The following CNTNAP2 variants were observed in gnomAD, a reference collection of about 807,000 sequenced individuals.
The protein encoded by CNTNAP2 is contactin associated protein 2.
CNTNAP2 carries 98 observed loss-of-function variants against 155.2 expected under a neutral mutation model. That is an observed-to-expected ratio of 0.63 (90% CI 0.54 to 0.75). The LOEUF (loss-of-function observed/expected upper bound fraction) is 0.75, where lower values mean the gene tolerates loss of function less well. Among genes scored for constraint, CNTNAP2 ranks in the 30% least tolerant of loss-of-function variants. CNTNAP2 has a pLI of 0.00. For missense variants in CNTNAP2, 1,727 were observed against 1,688.1 expected, an observed-to-expected ratio of 1.02 and a Z score of -0.40; for synonymous variants, 651 against 631.2, an observed-to-expected ratio of 1.03 and a Z score of -0.47.
At chr7:146,841,261 G>A (rs1350131670) in intron 3 of CNTNAP2, among the ~76,000 whole-genome samples, 1 of 149,472 alleles carries the variant, frequency 6.7e-6, no homozygotes, top group Non-Finnish European at 1.5e-5. Context: ...CAGTTAAGAA[G>A]GGGATAGAGG....
At chr7:146,448,428 C>T (rs1481003899) in intron 1 of CNTNAP2, among the ~76,000 whole-genome samples, 3 of 151,082 alleles carry the variant, frequency 2.0e-5, no homozygotes, top group Admixed American at 6.6e-5. Context: ...TTTTTATTTC[C>T]GTCTCTTTTA....
chr7:147,331,184 A>G (rs1795559475), intron 9 of CNTNAP2, among the ~76,000 whole-genome samples: 2 of 152,148 alleles, frequency 1.3e-5, no homozygotes, highest in Admixed American at 1.3e-4. Flanking sequence ...GGGATGACAC[A>G]GAAAAAGACT....
chr7:147,470,527 T>C (rs1430915158), intron 10 of CNTNAP2, among the ~76,000 whole-genome samples: 1 of 151,964 alleles, frequency 6.6e-6, no homozygotes, highest in Admixed American at 6.5e-5. Context: ...GTAGCTATGA[T>C]AGTGTCTTGG....
At chr7:148,119,112 T>C (rs1804541904) in intron 16 of CNTNAP2, among the ~76,000 whole-genome samples, 10 of 152,136 alleles carry the variant, frequency 6.6e-5, no homozygotes, top group Admixed American at 6.6e-4. Flanking sequence ...CCGTTGGCTG[T>C]GAGAGTCAGG....
At chr7:147,446,812 AC>A (rs1797747673) in intron 10 of CNTNAP2, among the ~76,000 whole-genome samples, 1 of 152,248 alleles carries the variant, frequency 6.6e-6, no homozygotes, top group African/African-American at 2.4e-5. Context: ...AATAGAAGAT[AC>A]ATCTTATGCT....
At chr7:148,114,414 T>G (rs1804420440) in intron 15 of CNTNAP2, among the ~76,000 whole-genome samples, 1 of 152,234 alleles carries the variant, frequency 6.6e-6, no homozygotes, top group African/African-American at 2.4e-5. Context: ...ACTTATGTAT[T>G]GATTGAATAA....
chr7:146,762,310 A>G (rs890879528), intron 1 of CNTNAP2, among the ~76,000 whole-genome samples: 6 of 152,116 alleles, frequency 3.9e-5, no homozygotes, highest in Non-Finnish European at 8.8e-5. Flanking sequence ...CCAGTTCCTA[A>G]GAATCCCTGG....
At chr7:147,500,385 C>T (rs184999981) in intron 11 of CNTNAP2, among the ~76,000 whole-genome samples, 1 of 151,930 alleles carries the variant, frequency 6.6e-6, no homozygotes, top group East Asian at 1.9e-4. Context: ...CTAGATAGAT[C>T]CTAAATAAAA....
chr7:146,160,715 C>T (rs1798207621), intron 1 of CNTNAP2, among the ~76,000 whole-genome samples: 1 of 151,968 alleles, frequency 6.6e-6, no homozygotes, highest in Non-Finnish European at 1.5e-5. Context: ...AATTAATAGC[C>T]TACCAACCAA....
chr7:146,275,576 T>G (rs1424926843), intron 1 of CNTNAP2, among the ~76,000 whole-genome samples: 1 of 152,168 alleles, frequency 6.6e-6, no homozygotes, highest in Non-Finnish European at 1.5e-5. Context: ...CACATGTGTG[T>G]GGGGTGTGTT....
At chr7:147,253,112 G>A (rs1376841265) in intron 8 of CNTNAP2, among the ~76,000 whole-genome samples, 5 of 152,164 alleles carry the variant, frequency 3.3e-5, no homozygotes, top group Non-Finnish European at 7.4e-5. Context: ...GCCTAGTCCA[G>A]GTCGTTAAAA....
At chr7:146,520,425 A>C (rs1278717458) in intron 1 of CNTNAP2, among the ~76,000 whole-genome samples, 6 of 151,014 alleles carry the variant, frequency 4.0e-5, no homozygotes, top group Non-Finnish European at 8.9e-5. Context: ...GAAAGATAGT[A>C]ATAGTAGTTA....
chr7:146,769,676 T>C (rs1802259099), intron 1 of CNTNAP2, among the ~76,000 whole-genome samples: 1 of 152,196 alleles, frequency 6.6e-6, no homozygotes, highest in South Asian at 2.1e-4. Context: ...TTAATCATTC[T>C]GATTCCTAAG....
In CNTNAP2 at chr7:147,755,472, T is replaced by C. The variant is rs540802468; in HGVS notation, c.2098+116166T>C. On this transcript the variant is annotated intron_variant, in intron 13 of 23. Transcript: ENST00000361727. ...GAGTTTGAGACCAACCTGCTCAATA[T>C]GGAAAACCCATGTCTACTGAAAATA... Among the ~76,000 whole-genome samples the C allele has an allele frequency of 2.7e-4, 41 of 152,162 alleles. 1 individual carries two copies. In the South Asian group the frequency reaches 8.3e-3, roughly 31 times the overall value.
intron 3 of CNTNAP2, among the ~76,000 whole-genome samples, chr7:147,040,932 TCTA>T (rs1393306893): frequency 6.6e-6 from 1 of 152,196 alleles, no homozygotes; most frequent in Admixed American, 6.5e-5. Context: ...GATTATATCT[TCTA>T]CTCCCTTCTT....
intron 1 of CNTNAP2, among the ~76,000 whole-genome samples, chr7:146,519,244 A>G (rs1374777906): frequency 1.3e-5 from 2 of 151,930 alleles, no homozygotes; most frequent in East Asian, 3.9e-4. Context: ...GGAAATTTGT[A>G]TCTCTCAAGA....
intron 1 of CNTNAP2, among the ~76,000 whole-genome samples, chr7:146,594,230 ATC>A (rs1798825822): frequency 6.6e-6 from 1 of 152,132 alleles, no homozygotes; most frequent in African/African-American, 2.4e-5. Context: ...ACTGAATAGA[ATC>A]TGTTTCTATT....
intron 1 of CNTNAP2, among the ~76,000 whole-genome samples, chr7:146,316,758 A>ATT (rs112549607): frequency 1.0e-4 from 15 of 145,768 alleles, no homozygotes; most frequent in South Asian, 2.2e-4. Context: ...AGGTTTTTTA[A>ATT]TTTTTTTTTT....
intron 13 of CNTNAP2, among the ~76,000 whole-genome samples, chr7:147,900,610 G>C (rs1563128792): frequency 6.6e-6 from 1 of 151,900 alleles, no homozygotes; most frequent in Non-Finnish European, 1.5e-5. Flanking sequence ...TGGGTTTTTT[G>C]TTTGTTTTGT....
Sources: allele counts gnomAD v4.1 joint callset (sites outside exome capture counted in the v4.1 genomes callset), GRCh38; gene constraint gnomAD v4.1.1; transcripts MANE v1.5; gene names NCBI Gene and HGNC (gene_info 2026-07-23, HGNC 2026-07-21).